The following DSCAML1 variants were observed in gnomAD, a reference collection of about 807,000 sequenced individuals.
DSCAML1 encodes cell adhesion molecule DSCAML1.
Under a neutral mutation model 200.5 loss-of-function variants are expected in DSCAML1, and 38 were observed. That is an observed-to-expected ratio of 0.19 (90% CI 0.15 to 0.25). The LOEUF (loss-of-function observed/expected upper bound fraction) is 0.25. Ranked by LOEUF, DSCAML1 falls within the 10% of genes least tolerant of loss-of-function variation. DSCAML1 has a pLI of 1.00. For missense variants in DSCAML1, 2,223 were observed against 2,858.8 expected (o/e 0.78, Z 5.07); for synonymous variants, 1,215 against 1,165.0 (o/e 1.04, Z -0.87).
At chr11:117,670,590 A>G (rs1235397274) in intron 3 of DSCAML1, among the ~76,000 whole-genome samples, 1 of 152,136 alleles carries the variant, frequency 6.6e-6, no homozygotes, top group Non-Finnish European at 1.5e-5. Flanking sequence ...TGCTGCGTGA[A>G]GGCTGACGGG....
chr11:117,780,750 G>A lies in DSCAML1; in HGVS notation c.107C>T (p.Thr36Ile). The change falls in exon 2 of 33, where the codon ACC (threonine) becomes ATC (isoleucine). Residue 36 changes from threonine to isoleucine, a missense_variant. Coordinates refer to ENST00000651296, the MANE Select transcript of DSCAML1 (RefSeq NM_020693.4). This position sits in a 1 kb window ranked among gnomAD's most constrained non-coding sequence, Gnocchi z 4.8. ...YFVNDSLQQV[T>I]FSSSVGVVVP... ...CACCACCCCCACGGAGCTGGAAAAGGTCACCTGCTGCAAGGAGTCATTTAC... is the reference window on the plus strand; with the variant it reads ...CACCACCCCCACGGAGCTGGAAAAGATCACCTGCTGCAAGGAGTCATTTAC... 1 of 1,540,816 alleles carries A rather than the reference G, an allele frequency of 6.5e-7. No homozygotes were observed. Among genetic ancestry groups the A allele is most frequent in the Non-Finnish European group, 8.7e-7 (1 of 1,145,542 alleles).
intron 29 of DSCAML1, 21 bp downstream of exon 29, chr11:117,433,116 AC>A (rs2047836968): frequency 6.3e-7 from 1 of 1,595,036 alleles, no homozygotes; most frequent in African/African-American, 1.3e-5. Context: ...AGGACAGGGA[AC>A]TTGTGGCACC....
intron 11 of DSCAML1, among the ~76,000 whole-genome samples, chr11:117,485,628 G>A (rs536990439): frequency 6.6e-6 from 1 of 152,370 alleles, no homozygotes; most frequent in East Asian, 1.9e-4. Flanking sequence ...ACTTGCTTAA[G>A]AAACCTGGAT....
chr11:117,564,958 G>T (rs2050730572), intron 3 of DSCAML1, among the ~76,000 whole-genome samples: 1 of 152,010 alleles, frequency 6.6e-6, no homozygotes, highest in South Asian at 2.1e-4. Flanking sequence ...TAGAGACGGG[G>T]TTTCACCATG....
intron 3 of DSCAML1, among the ~76,000 whole-genome samples, chr11:117,595,622 G>A (rs1049457497): frequency 4.6e-5 from 7 of 152,322 alleles, no homozygotes; most frequent in East Asian, 3.9e-4. Context: ...CCCAATTTCC[G>A]TTGAAATCTG....
chr11:117,511,412 C>T (rs2049615294), intron 8 of DSCAML1, among the ~76,000 whole-genome samples: 1 of 152,150 alleles, frequency 6.6e-6, no homozygotes, highest in Non-Finnish European at 1.5e-5. Flanking sequence ...TGCAGCCCTG[C>T]CTTCCTAGTT....
rs761036283 is a variant in DSCAML1 at position 117,521,120 on chromosome 11, C to G, written c.1213+10G>C. 4 of 1,607,796 alleles carry G rather than the reference C, an allele frequency of 2.5e-6. No individual in the cohort carries two copies. The African/African-American group carries it at 5.3e-5, about 21-fold the overall frequency. ...GAACCCGCCCCCTGTGTCCTGGCGC[C>G]CCAGCTCACCCTCAAGTGCAATGAT... is the stretch of plus-strand genomic sequence containing the variant. On this transcript the variant is annotated intron_variant, in intron 6 of 32. Coordinates refer to ENST00000651296, the MANE Select transcript of DSCAML1 (RefSeq NM_020693.4).
Position 117,709,200 on chromosome 11 carries a change from A to G in DSCAML1, c.511+67591T>C, listed in dbSNP as rs115229599. Among the ~76,000 whole-genome samples the G allele has an allele frequency of 6.2e-3, 937 of 152,354 alleles. 10 individuals carry two copies. Among genetic ancestry groups the G allele is most frequent in the African/African-American group, 0.021 (855 of 41,586 alleles). ...ATTAGCTATCATGAAACAAGTGTGC[A>G]TGGGCTGCCATGACAAAATACCACA... On this transcript the variant is annotated intron_variant, in intron 3 of 32. Transcript: ENST00000651296.
intron 3 of DSCAML1, among the ~76,000 whole-genome samples, chr11:117,609,153 C>G (rs973987452): frequency 2.6e-5 from 4 of 151,300 alleles, no homozygotes; most frequent in Non-Finnish European, 5.9e-5. Context: ...GAGCCGAGAT[C>G]GTGCCACTGC....
At chr11:117,786,050 T>G (rs192398539) in intron 1 of DSCAML1, among the ~76,000 whole-genome samples, 6 of 152,140 alleles carry the variant, frequency 3.9e-5, no homozygotes, top group Non-Finnish European at 8.8e-5. Context: ...GCAAATCCCC[T>G]GACAGAGATT....
At position 117,505,109 on chromosome 11, in the gene DSCAML1, A is replaced by G. The variant is rs2049468029; in HGVS notation, c.2063-66T>C. 6.4e-7 allele frequency: 1 copy of G among 1,565,936 alleles called. No individual in the cohort carries two copies. Among genetic ancestry groups the G allele is most frequent in the Non-Finnish European group, 8.7e-7 (1 of 1,151,068 alleles). On this transcript the variant is annotated intron_variant, in intron 9 of 32. Coordinates refer to ENST00000651296, the MANE Select transcript of DSCAML1 (RefSeq NM_020693.4). This position sits in a 1 kb window ranked among gnomAD's most constrained non-coding sequence, Gnocchi z 6.7. ...CTCTGATGGGTCTCCTAGGGCTTCG[A>G]GCACCTTCTGTTTGAGGTCAGCCCT...
intron 11 of DSCAML1, among the ~76,000 whole-genome samples, chr11:117,485,829 T>G (rs1018302983): frequency 1.3e-5 from 2 of 152,198 alleles, no homozygotes; most frequent in Non-Finnish European, 2.9e-5. Flanking sequence ...GAGAATGTGG[T>G]CCTAGGCAAA....
intron 3 of DSCAML1, among the ~76,000 whole-genome samples, chr11:117,655,527 G>A (rs2052716583): frequency 6.6e-6 from 1 of 152,230 alleles, no homozygotes; most frequent in African/African-American, 2.4e-5. Flanking sequence ...AATGAGGCCT[G>A]TCTGGTGTAA....
At chr11:117,691,747 G>T (rs943250402) in intron 3 of DSCAML1, among the ~76,000 whole-genome samples, 1 of 152,142 alleles carries the variant, frequency 6.6e-6, no homozygotes, top group African/African-American at 2.4e-5. Context: ...AAAGGAACAG[G>T]GGAGGGGCTG....
intron 3 of DSCAML1, among the ~76,000 whole-genome samples, chr11:117,760,820 C>A (rs915559654): frequency 4.6e-5 from 7 of 152,174 alleles, no homozygotes; most frequent in Admixed American, 1.3e-4. Flanking sequence ...CAAACTGGAC[C>A]AATCTGGAAG....
intron 3 of DSCAML1, among the ~76,000 whole-genome samples, chr11:117,689,424 G>A (rs2053458942): frequency 6.6e-6 from 1 of 152,218 alleles, no homozygotes; most frequent in Non-Finnish European, 1.5e-5. Flanking sequence ...GGATTTGTAG[G>A]CACGCTGAAA....
At chr11:117,723,877 T>C (rs1463965148) in intron 3 of DSCAML1, among the ~76,000 whole-genome samples, 2 of 152,164 alleles carry the variant, frequency 1.3e-5, no homozygotes, top group Non-Finnish European at 1.5e-5. Context: ...AACCACGTCG[T>C]CTCCTCCCAC....
intron 3 of DSCAML1, among the ~76,000 whole-genome samples, chr11:117,617,923 G>T (rs184338141): frequency 1.3e-5 from 2 of 152,150 alleles, no homozygotes; most frequent in Non-Finnish European, 2.9e-5. Context: ...CACACTGTCT[G>T]TCCATGCCCA....
chr11:117,772,747 T>C (rs751926475), intron 3 of DSCAML1, among the ~76,000 whole-genome samples: 1 of 152,228 alleles, frequency 6.6e-6, no homozygotes, highest in Non-Finnish European at 1.5e-5. Flanking sequence ...TCAGCTTCAC[T>C]GGAGGCGTTA....
Sources: allele counts gnomAD v4.1 joint callset (sites outside exome capture counted in the v4.1 genomes callset), GRCh38; gene constraint gnomAD v4.1.1; non-coding constraint Gnocchi (gnomAD v3.1); transcripts MANE v1.5; gene names NCBI Gene and HGNC (gene_info 2026-07-23, HGNC 2026-07-21).